The following PHF21A variants were observed in gnomAD, a reference collection of about 807,000 sequenced individuals.
The protein encoded by PHF21A is PHD finger protein 21A.
In PHF21A, 11 loss-of-function variants were observed where a neutral mutation model predicts 82.5. The ratio of observed to expected loss-of-function variants is 0.13; its 90% confidence interval spans 0.08 to 0.22. The LOEUF is 0.22. Among genes scored for constraint, PHF21A ranks in the 10% least tolerant of loss-of-function variants. The pLI is 1.00. For missense variants in PHF21A, 579 were observed against 837.8 expected, an observed-to-expected ratio of 0.69 and a Z score of 3.81; for synonymous variants, 297 against 302.8, an observed-to-expected ratio of 0.98 and a Z score of 0.20.
chr11:45,982,388 AT>A (rs200340010), intron 6 of PHF21A, among the ~76,000 whole-genome samples: 3,196 of 151,754 alleles, frequency 0.021, 107 homozygotes, highest in African/African-American at 0.071. Flanking sequence ...CTGAGTAAAT[AT>A]TTTTTTTTAA....
At position 45,945,880 on chromosome 11, in the gene PHF21A, G is replaced by C; in HGVS notation, c.1412C>G (p.Pro471Arg). ...KTETTFTFPAPVQPVSLPSPT... is the reference protein window; with the variant it reads ...KTETTFTFPARVQPVSLPSPT... ...GCTGGGCAGGGACACAGGCTGAACAGGTGCAGGGAAAGTGAATGTGGTCTC... is the reference window on the plus strand; with the variant it reads ...GCTGGGCAGGGACACAGGCTGAACACGTGCAGGGAAAGTGAATGTGGTCTC... The change falls in exon 15 of 19, where the codon CCT becomes CGT. Residue 471 changes from proline (P) to arginine (R), a missense_variant. By Grantham distance (103) the Pro-to-Arg change is moderately radical (BLOSUM62 -2). Transcript: ENST00000676320. 1 of 1,608,806 alleles carries C rather than the reference G, an allele frequency of 6.2e-7. No homozygotes were observed. Among genetic ancestry groups the C allele is most frequent in the Non-Finnish European group, 8.5e-7 (1 of 1,177,316 alleles).
intron 6 of PHF21A, among the ~76,000 whole-genome samples, chr11:46,035,892 T>G (rs564371975): frequency 6.6e-6 from 1 of 152,228 alleles, no homozygotes; most frequent in South Asian, 2.1e-4. Flanking sequence ...GATTTTGGAC[T>G]TGGTCCTAAG....
intron 16 of PHF21A, among the ~76,000 whole-genome samples, chr11:45,937,353 AG>A (rs768180934): frequency 1.3e-5 from 2 of 152,254 alleles, no homozygotes; most frequent in Non-Finnish European, 2.9e-5. Flanking sequence ...AGAGAGAACG[AG>A]GGAGGCTAGG....
chr11:46,101,514 T>G (rs1403449899), intron 1 of PHF21A, among the ~76,000 whole-genome samples: 1 of 152,236 alleles, frequency 6.6e-6, no homozygotes, highest in East Asian at 1.9e-4. Context: ...TTATAAATGT[T>G]TTTAAATTTC....
intron 14 of PHF21A, 88 bp downstream of exon 14, chr11:45,948,798 C>T (rs2091681345): frequency 3.3e-6 from 3 of 903,084 alleles, no homozygotes; most frequent in Non-Finnish European, 3.8e-6. Context: ...GAGTTAGGTC[C>T]TATAATGATG....
At chr11:46,097,341 C>T (rs921688449) in intron 1 of PHF21A, among the ~76,000 whole-genome samples, 2 of 152,118 alleles carry the variant, frequency 1.3e-5, no homozygotes, top group Non-Finnish European at 1.5e-5. Context: ...CTCTGCCACT[C>T]GAAGCCGTCC....
chr11:46,076,659 A>T, intron 6 of PHF21A, 95 bp downstream of exon 6: 1 of 937,590 alleles, frequency 1.1e-6, no homozygotes, highest in South Asian at 1.7e-5. Flanking sequence ...TTATTTTCAC[A>T]CATGAGGAAA....
chr11:46,101,797 G>C (rs191845560), intron 1 of PHF21A, among the ~76,000 whole-genome samples: 3 of 151,542 alleles, frequency 2.0e-5, no homozygotes, highest in Non-Finnish European at 4.4e-5. Context: ...CACCACACTC[G>C]GCTAATTTTT....
intron 6 of PHF21A, among the ~76,000 whole-genome samples, chr11:45,997,737 C>T (rs1201593101): frequency 6.6e-6 from 1 of 152,186 alleles, no homozygotes; most frequent in Non-Finnish European, 1.5e-5. Context: ...CATTGTTGGG[C>T]CATCTGTTTA....
intron 4 of PHF21A, among the ~76,000 whole-genome samples, chr11:46,080,629 G>A (rs1032969288): frequency 5.3e-5 from 8 of 151,980 alleles, no homozygotes; most frequent in African/African-American, 7.2e-5. Flanking sequence ...ACTCCTTAAC[G>A]TCAAGTAGTC....
At chr11:46,098,766 T>C (rs7110825) in intron 1 of PHF21A, among the ~76,000 whole-genome samples, 31,117 of 152,068 alleles carry the variant, frequency 0.2, 3,708 homozygotes, top group Non-Finnish European at 0.27. Context: ...ATAAAAGAGT[T>C]TGAGCTTATT....
intron 10 of PHF21A, among the ~76,000 whole-genome samples, chr11:45,963,121 C>T (rs2093211063): frequency 1.3e-5 from 2 of 151,968 alleles, no homozygotes; most frequent in Non-Finnish European, 2.9e-5. Context: ...TTTACACGTA[C>T]ATAGAAAATA....
chr11:46,069,720 A>G (rs1175091168), intron 6 of PHF21A, among the ~76,000 whole-genome samples: 1 of 152,262 alleles, frequency 6.6e-6, no homozygotes, highest in Non-Finnish European at 1.5e-5. Flanking sequence ...TCATACTGAT[A>G]AATTATACAA....
intron 10 of PHF21A, among the ~76,000 whole-genome samples, chr11:45,955,383 A>G (rs980777959): frequency 1.3e-5 from 2 of 152,186 alleles, no homozygotes; most frequent in Non-Finnish European, 2.9e-5. Context: ...GTGACATTTT[A>G]AAGTCCTGGA....
intron 6 of PHF21A, among the ~76,000 whole-genome samples, chr11:45,990,251 T>C: frequency 1.9e-4 from 1 of 5,238 alleles, no homozygotes; most frequent in Non-Finnish European, 6.4e-4. Context: ...TTTCATCTTC[T>C]TTTTTTTTTT....
intron 10 of PHF21A, 150 bp downstream of exon 10, chr11:45,965,165 C>T: frequency 5.9e-6 from 4 of 680,916 alleles, no homozygotes; most frequent in African/African-American, 1.8e-5. Context: ...CCCTTCTGCA[C>T]GTGGATGAAT....
intron 1 of PHF21A, among the ~76,000 whole-genome samples, chr11:46,100,299 T>C (rs1453686118): frequency 6.6e-6 from 1 of 152,126 alleles, no homozygotes; most frequent in Non-Finnish European, 1.5e-5. Flanking sequence ...GAGCATGGAC[T>C]TTTTTCCTAA....
intron 6 of PHF21A, among the ~76,000 whole-genome samples, chr11:46,018,703 G>A (rs535127072): frequency 6.6e-6 from 1 of 152,194 alleles, no homozygotes; most frequent in African/African-American, 2.4e-5. Context: ...TCCTGATATG[G>A]ACAACACATT....
intron 6 of PHF21A, among the ~76,000 whole-genome samples, chr11:46,033,808 G>C (rs987318415): frequency 2.6e-5 from 4 of 152,140 alleles, no homozygotes; most frequent in African/African-American, 9.7e-5. Context: ...GTAGGTGGCT[G>C]CTAGAAATCT....
Sources: gnomAD v4.1 joint callset for allele counts (sites outside exome capture counted in the v4.1 genomes callset) on GRCh38, gnomAD v4.1.1 for gene constraint, MANE v1.5 for transcripts, NCBI Gene and HGNC (gene_info 2026-07-23, HGNC 2026-07-21) for gene names.